The following TENM1 variants were observed in gnomAD, a reference collection of about 807,000 sequenced individuals.
TENM1 encodes teneurin transmembrane protein 1, also known as teneurin-1.
TENM1 carries 35 observed loss-of-function variants against 174.8 expected under a neutral mutation model. That is an observed-to-expected ratio of 0.20 (90% CI 0.15 to 0.27). The LOEUF is 0.27. Ranked by LOEUF, TENM1 falls within the 10% of genes least tolerant of loss-of-function variation. The pLI is 1.00. For missense variants in TENM1, 1,633 were observed against 2,130.1 expected (o/e 0.77, Z 4.59); for synonymous variants, 781 against 798.7 (o/e 0.98, Z 0.37).
chrX:124,852,099 G>A (rs1035263378), intron 3 of TENM1, among the ~76,000 whole-genome samples: 2 of 111,069 alleles, frequency 1.8e-5, no homozygotes, highest in African/African-American at 6.5e-5. Flanking sequence ...TTGAGAAAGT[G>A]TGTGGTGTAG....
intron 22 of TENM1, among the ~76,000 whole-genome samples, chrX:124,462,421 T>C (rs2061185701): frequency 1.5e-5 from 1 of 66,201 alleles, no homozygotes; most frequent in African/African-American, 7.6e-5. Flanking sequence ...TGAGATACTG[T>C]GTGTGTGTGT....
At chrX:125,188,610 T>G in the TENM1 span, among the ~76,000 whole-genome samples, 2 of 111,730 alleles carry the variant, frequency 1.8e-5, no homozygotes, top group Non-Finnish European at 3.8e-5. Flanking sequence ...AAGACAATAC[T>G]TAAATGCCAT....
At chrX:124,634,520 G>A (rs751976475) in intron 11 of TENM1, among the ~76,000 whole-genome samples, 58 of 110,683 alleles carry the variant, frequency 5.2e-4, no homozygotes, top group Non-Finnish European at 1.0e-3. Context: ...GAATAGCTGC[G>A]TAGTTATCCT....
intron 11 of TENM1, among the ~76,000 whole-genome samples, chrX:124,569,847 AGAAG>A (rs1326465995): frequency 1.8e-5 from 2 of 111,500 alleles, no homozygotes; most frequent in African/African-American, 6.5e-5. Flanking sequence ...ACAAGAAAGT[AGAAG>A]GAAGAAAATG....
chrX:125,055,750 T>C, the TENM1 span, among the ~76,000 whole-genome samples: 1 of 111,792 alleles, frequency 8.9e-6, no homozygotes, highest in Non-Finnish European at 1.9e-5. Context: ...CAGAGTTTCA[T>C]TATAAACCTG....
At chrX:125,143,525 A>G in the TENM1 span, among the ~76,000 whole-genome samples, 1 of 111,891 alleles carries the variant, frequency 8.9e-6, no homozygotes, top group Admixed American at 9.5e-5. Flanking sequence ...AAGTAGTACA[A>G]TCATTTGAAG....
At chrX:124,886,056 A>T (rs113561005) in intron 3 of TENM1, among the ~76,000 whole-genome samples, 2,785 of 111,964 alleles carry the variant, frequency 0.025, 86 homozygotes, top group African/African-American at 0.086. Flanking sequence ...CAAAAGCATA[A>T]GTCCTAACTA....
chrX:124,515,766 C>T (rs751008958), intron 18 of TENM1, among the ~76,000 whole-genome samples: 4 of 108,548 alleles, frequency 3.7e-5, no homozygotes, highest in Non-Finnish European at 5.7e-5. Context: ...ATGGCCATAC[C>T]ACCGAAAGCA....
At chrX:124,568,870 T>C (rs987867874) in intron 11 of TENM1, among the ~76,000 whole-genome samples, 17 of 110,984 alleles carry the variant, frequency 1.5e-4, no homozygotes, top group African/African-American at 4.9e-4. Context: ...TTCAGTCTCA[T>C]GGAATCAGAA....
intron 14 of TENM1, among the ~76,000 whole-genome samples, chrX:124,548,120 G>A (rs1274357383): frequency 8.9e-6 from 1 of 112,294 alleles, no homozygotes; most frequent in African/African-American, 3.2e-5. Flanking sequence ...ACAGGCGTGA[G>A]CAACCGCACC....
rs141426255 is a variant in TENM1, at chrX:124,870,498, T to C, written c.535+23798A>G. On this transcript the variant is annotated intron_variant, in intron 3 of 31. Transcript: ENST00000422452. ...TTATGGTGCAAACTGCAGTAGTGTGTAGAATGGGTCAAAGTAGACCTCACT... is the reference window on the plus strand; with the variant it reads ...TTATGGTGCAAACTGCAGTAGTGTGCAGAATGGGTCAAAGTAGACCTCACT... Among the ~76,000 whole-genome samples, 33 of 111,793 alleles carry C rather than the reference T, an allele frequency of 3.0e-4. 1 individual carries two copies. In the East Asian group the frequency reaches 9.0e-3, roughly 30 times the overall value.
At chrX:125,146,382 A>G in the TENM1 span, among the ~76,000 whole-genome samples, 2 of 111,413 alleles carry the variant, frequency 1.8e-5, no homozygotes, top group Admixed American at 9.5e-5. Flanking sequence ...ACACACCTAT[A>G]TACAATTTGG....
the TENM1 span, among the ~76,000 whole-genome samples, chrX:124,998,532 T>C: frequency 1.2e-4 from 13 of 110,900 alleles, no homozygotes; most frequent in African/African-American, 3.9e-4. Flanking sequence ...TAATGTTTAC[T>C]GAGTATTTAC....
Position 124,392,341 on chromosome X carries a change from T to C in TENM1, c.5399A>G (p.Asn1800Ser), listed in dbSNP as rs770227347. 255 of 1,192,266 alleles carry C rather than the reference T, an allele frequency of 2.1e-4. No individual in the cohort carries two copies. The South Asian group carries it at 4.4e-3, about 21-fold the overall frequency. ...AAAATCTATGGAGAGTAGGTTTCTG[T>C]TGTGGGCCTATGAGAAAGAGATATG... Residue 1800 changes from asparagine to serine, a missense_variant, in exon 28 of 32, where the codon AAC becomes AGC. Around this residue, in one of 4 missense-constraint regions of TENM1, gnomAD observed 807 missense variants for 1,125.3 expected, o/e 0.72. Transcript: ENST00000422452.
At chrX:125,192,400 G>A in the TENM1 span, among the ~76,000 whole-genome samples, 1 of 111,989 alleles carries the variant, frequency 8.9e-6, no homozygotes, top group South Asian at 3.7e-4. Flanking sequence ...AGTGTGGTGA[G>A]AAGTCAACCT....
chrX:124,771,565 C>T (rs1349127220), intron 3 of TENM1, among the ~76,000 whole-genome samples: 4 of 112,289 alleles, frequency 3.6e-5, no homozygotes, highest in Non-Finnish European at 5.6e-5. Flanking sequence ...ATTAGTCCAG[C>T]GCAATCCTTA....
rs750302926 is a variant in TENM1, at chrX:124,420,764, G to A, written c.4529C>T (p.Ser1510Leu). 2.6e-5 allele frequency: 32 copies of A among 1,209,246 alleles called. No individual in the cohort carries two copies. In the East Asian group the frequency reaches 7.1e-4, roughly 27 times the overall value. ...TGCCACATAGAGGGTTCCATCAGGC[G>A]ACACTGCTAAGGAGGAAGGGGCTTT... The change falls in exon 25 of 32, where the codon TCG becomes TTG. Residue 1510 changes from serine to leucine, a missense_variant. By Grantham distance (145) the Ser-to-Leu change is moderately radical. Transcript: ENST00000422452.
chrX:124,464,527 AG>A (rs1315891035), intron 22 of TENM1, among the ~76,000 whole-genome samples: 1 of 112,226 alleles, frequency 8.9e-6, no homozygotes, highest in Non-Finnish European at 1.9e-5. Flanking sequence ...TAATGAAGCT[AG>A]TGCTAGAAGA....
intron 27 of TENM1, among the ~76,000 whole-genome samples, chrX:124,393,193 T>A (rs2147623925): frequency 9.0e-6 from 1 of 110,519 alleles, no homozygotes; most frequent in South Asian, 3.9e-4. Flanking sequence ...GGTGCCTGAC[T>A]GATAAAATTC....
Sources: allele counts gnomAD v4.1 joint callset (sites outside exome capture counted in the v4.1 genomes callset), GRCh38; gene constraint gnomAD v4.1.1; regional missense constraint gnomAD v4.1.1; transcripts MANE v1.5; gene names NCBI Gene and HGNC (gene_info 2026-07-23, HGNC 2026-07-21).